Variants in PTPN5 observed in about 807,000 individuals in gnomAD.
PTPN5 encodes the protein protein tyrosine phosphatase non-receptor type 5, also known as tyrosine-protein phosphatase non-receptor type 5.
A neutral mutation model predicts 73.9 loss-of-function variants in PTPN5; 29 were observed. The observed-to-expected ratio is 0.39, with a 90% CI of 0.29 to 0.54. The LOEUF (loss-of-function observed/expected upper bound fraction) is 0.54, where lower values mean the gene tolerates loss of function less well. Among genes scored for constraint, PTPN5 ranks in the 20% least tolerant of loss-of-function variants. The probability of loss-of-function intolerance (pLI) is 0.65; values close to 1 mark genes in which losing one functional copy is unlikely to be tolerated. For missense variants in PTPN5, 652 were observed against 751.4 expected (o/e 0.87, Z 1.55); for synonymous variants, 267 against 304.7 (o/e 0.88, Z 1.29).
At position 18,733,402 on chromosome 11, in the gene PTPN5, G is replaced by A; in HGVS notation, c.1081-30C>T. 6.2e-7 allele frequency: 1 copy of A among 1,611,136 alleles called. No homozygotes were observed. On this transcript the variant is annotated intron_variant, in intron 10 of 14. Coordinates refer to ENST00000358540, the MANE Select transcript of PTPN5 (RefSeq NM_006906.2). The surrounding 1 kb of genome is among the most constrained non-coding windows in gnomAD (Gnocchi z 4.3). ...GGCCAGCCAAGTCCAGGCTGTCAGG[G>A]TCAGAGGCAGTGCTCCCAGGACCCC...
At chr11:18,790,066 C>G (rs966423688) in intron 1 of PTPN5, among the ~76,000 whole-genome samples, 2 of 151,940 alleles carry the variant, frequency 1.3e-5, no homozygotes, top group African/African-American at 2.4e-5. Context: ...CTTCACCATC[C>G]GTCTATGCTT....
intron 1 of PTPN5, among the ~76,000 whole-genome samples, chr11:18,772,864 C>T (rs963143832): frequency 5.3e-5 from 8 of 152,102 alleles, no homozygotes; most frequent in Non-Finnish European, 7.4e-5. Context: ...GACCCGTGTG[C>T]GGGGAGACGA....
chr11:18,737,846 C>G (rs1449422546), intron 9 of PTPN5, 34 bp downstream of exon 9: 1 of 1,580,874 alleles, frequency 6.3e-7, no homozygotes, highest in Non-Finnish European at 8.7e-7. Flanking sequence ...GAAGCTGAGC[C>G]TGCCCCCATC....
chr11:18,784,077 G>A (rs1851562403), intron 1 of PTPN5, among the ~76,000 whole-genome samples: 2 of 151,968 alleles, frequency 1.3e-5, no homozygotes. Context: ...TTCATACTGG[G>A]CACACAAAAA....
Position 18,732,652 on chromosome 11 carries a change from C to T in PTPN5, c.1269G>A (p.Glu423=). Residue 423 remains glutamate, a synonymous_variant, in exon 12 of 15, where the codon GAG becomes GAA. Transcript: ENST00000358540. The part of the protein sequence containing the change: ...PEEQVAYDGV[E]ITVQKVIHTE... The stretch of plus-strand genomic sequence containing the variant: ...TGTGAATGACTTTCTGCACAGTGAT[C>T]TCAACACCGTCGTACGCCACCTGCT... 4 of 1,614,010 alleles carry T rather than the reference C, an allele frequency of 2.5e-6. No individual in the cohort carries two copies. The highest frequency in any genetic ancestry group is 3.4e-6 in the Non-Finnish European group (4 of 1,180,030).
intron 3 of PTPN5, among the ~76,000 whole-genome samples, chr11:18,762,254 G>A (rs1180542256): frequency 6.6e-6 from 1 of 152,182 alleles, no homozygotes; most frequent in Admixed American, 6.5e-5. Flanking sequence ...GAGCCACCAG[G>A]CATGGCTGGC....
intron 3 of PTPN5, among the ~76,000 whole-genome samples, chr11:18,756,012 A>AAG (rs1850119049): frequency 6.6e-6 from 1 of 151,392 alleles, no homozygotes; most frequent in African/African-American, 2.4e-5. Flanking sequence ...TAAAAAAAAA[A>AAG]AAAAAAAAAA....
intron 3 of PTPN5, among the ~76,000 whole-genome samples, chr11:18,746,192 T>TATATAC (rs550537453): frequency 0.063 from 6,409 of 102,448 alleles, 543 homozygotes; most frequent in South Asian, 0.11. Flanking sequence ...TATATATATA[T>TATATAC]ACATTTTTTT....
intron 1 of PTPN5, among the ~76,000 whole-genome samples, chr11:18,782,107 G>A (rs1590621572): frequency 6.6e-6 from 1 of 152,232 alleles, no homozygotes; most frequent in East Asian, 1.9e-4. Flanking sequence ...TTGACTCACA[G>A]GCCATTTTTT....
At chr11:18,757,813 T>C (rs750796566) in intron 3 of PTPN5, among the ~76,000 whole-genome samples, 10 of 152,236 alleles carry the variant, frequency 6.6e-5, no homozygotes, top group Non-Finnish European at 1.3e-4. Flanking sequence ...CAAATGAATA[T>C]TCGTCAGAGT....
At position 18,729,098 on chromosome 11, in the gene PTPN5, A is replaced by G. The variant is rs139973491; in HGVS notation, c.1605-71T>C. ...GGCTGTGGGAGGTGCCCCAAAAGCC[A>G]TGGAGTAGCAATCACTTGCCAGGCC... On this transcript the variant is annotated intron_variant, in intron 14 of 14. Coordinates refer to ENST00000358540, the MANE Select transcript of PTPN5 (RefSeq NM_006906.2). The surrounding 1 kb of genome is among the most constrained non-coding windows in gnomAD (Gnocchi z 5.2). The G allele has an allele frequency of 4.7e-5, 72 of 1,516,302 alleles. No individual in the cohort carries two copies. In the African/African-American group the frequency reaches 8.2e-4, roughly 17 times the overall value. The allele number at this position is 1,516,302 out of a possible 1,614,324, so 93.9% of individuals were successfully genotyped here.
Position 18,771,814 on chromosome 11 carries a change from G to A in PTPN5, c.20+125C>T, listed in dbSNP as rs778757507. 113 of 804,952 alleles carry A rather than the reference G, an allele frequency of 1.4e-4. 1 individual carries two copies. Among genetic ancestry groups the A allele is most frequent in the Non-Finnish European group, 1.8e-4 (89 of 486,756 alleles). 49.9% of individuals were successfully genotyped at this position (804,952 alleles called of 1,614,324 possible). ...GGGGCAGAGGGCATGCTGGTTTCAT[G>A]GAAAAGGAATGATCAGGCTGAACAC... On this transcript the variant is annotated intron_variant, in intron 2 of 14. Transcript: ENST00000358540.
At chr11:18,790,654 A>C (rs1329257393) in intron 1 of PTPN5, among the ~76,000 whole-genome samples, 1 of 152,102 alleles carries the variant, frequency 6.6e-6, no homozygotes, top group Non-Finnish European at 1.5e-5. Flanking sequence ...TGCCCCTCCA[A>C]GTGGGGCAGG....
At chr11:18,736,766 G>A (rs973315457) in intron 9 of PTPN5, among the ~76,000 whole-genome samples, 4 of 152,166 alleles carry the variant, frequency 2.6e-5, no homozygotes, top group African/African-American at 9.7e-5. Context: ...GCATCTGCAC[G>A]GAATCCTAGT....
At chr11:18,759,132 G>A (rs771066077) in intron 3 of PTPN5, among the ~76,000 whole-genome samples, 17 of 152,068 alleles carry the variant, frequency 1.1e-4, no homozygotes, top group Non-Finnish European at 1.6e-4. Flanking sequence ...CCTGACGCCC[G>A]AGCCCCAGGC....
chr11:18,760,676 G>A (rs1261300014), intron 3 of PTPN5, among the ~76,000 whole-genome samples: 3 of 152,244 alleles, frequency 2.0e-5, no homozygotes, highest in Non-Finnish European at 4.4e-5. Context: ...GGTAGGGATT[G>A]TCATGGCTCC....
At chr11:18,770,525 G>A (rs1850836182) in intron 2 of PTPN5, among the ~76,000 whole-genome samples, 1 of 152,200 alleles carries the variant, frequency 6.6e-6, no homozygotes, top group African/African-American at 2.4e-5. Context: ...GACAGACGAT[G>A]TTTTATTTAT....
chr11:18,730,169 A>C (rs1590472082), intron 12 of PTPN5: 1 of 453,232 alleles, frequency 2.2e-6, no homozygotes, highest in Non-Finnish European at 3.9e-6. Flanking sequence ...TTGTCACATA[A>C]CCCAGCCCCG....
At chr11:18,749,666 C>T (rs1411736569) in intron 3 of PTPN5, among the ~76,000 whole-genome samples, 1 of 152,198 alleles carries the variant, frequency 6.6e-6, no homozygotes, top group Non-Finnish European at 1.5e-5. Context: ...GTAAGGCATG[C>T]AGGCAAATGG....
Sources: allele counts gnomAD v4.1 joint callset (sites outside exome capture counted in the v4.1 genomes callset), GRCh38; gene constraint gnomAD v4.1.1; non-coding constraint Gnocchi (gnomAD v3.1); transcripts MANE v1.5; gene names NCBI Gene and HGNC (gene_info 2026-07-23, HGNC 2026-07-21).